Variants in CDADC1 observed in about 807,000 individuals in gnomAD.
CDADC1 encodes cytidine and dCMP deaminase domain containing 1.
CDADC1 carries 39 observed loss-of-function variants against 54.9 expected under a neutral mutation model. That is an observed-to-expected ratio of 0.71 (90% CI 0.55 to 0.93). CDADC1 has a LOEUF of 0.93. Among genes scored for constraint, CDADC1 ranks in the 40% least tolerant of loss-of-function variants. The pLI is 0.00. For synonymous variants in CDADC1, 186 were observed against 204.0 expected, an observed-to-expected ratio of 0.91 and a Z score of 0.75; for missense variants, 518 against 618.8, an observed-to-expected ratio of 0.84 and a Z score of 1.73.
Position 49,280,682 on chromosome 13 carries a change from GTGTTAGCAAA to G in CDADC1, c.1396_1405del (p.Val466LeufsTer5). 6.3e-7 allele frequency: 1 copy of G among 1,575,082 alleles called. No individual in the cohort carries two copies. ...TACATGAGGTTCGGGGAGCTTGAAGGTGTTAGCAAATTTACGGTAAGTAGATACACATTTT... is the reference window on the plus strand; with the variant it reads ...TACATGAGGTTCGGGGAGCTTGAAGGTTTACGGTAAGTAGATACACATTTT... On this transcript the variant is annotated frameshift_variant, in exon 8 of 10. Coordinates refer to ENST00000251108, the MANE Select transcript of CDADC1 (RefSeq NM_030911.4). LOFTEE classifies it high-confidence loss of function.
At chr13:49,290,860 CA>C (rs764990521) in intron 9 of CDADC1, among the ~76,000 whole-genome samples, 4 of 152,120 alleles carry the variant, frequency 2.6e-5, no homozygotes, top group Non-Finnish European at 5.9e-5. Flanking sequence ...AAAAATTCAT[CA>C]AGCTATACAC....
chr13:49,279,802 C>T (rs1953263736), intron 7 of CDADC1, among the ~76,000 whole-genome samples: 1 of 152,154 alleles, frequency 6.6e-6, no homozygotes, highest in African/African-American at 2.4e-5. Flanking sequence ...GAAGTCAGTC[C>T]TTGCAGCCCC....
intron 8 of CDADC1, among the ~76,000 whole-genome samples, chr13:49,285,836 T>C (rs755286231): frequency 6.6e-6 from 1 of 150,718 alleles, no homozygotes; most frequent in Non-Finnish European, 1.5e-5. Flanking sequence ...TTTTTCAAGA[T>C]GGAGGCTTGC....
intron 6 of CDADC1, 126 bp from the exon 7 acceptor site, chr13:49,278,224 C>A: frequency 1.5e-6 from 1 of 654,694 alleles, no homozygotes; most frequent in Non-Finnish European, 2.4e-6. Context: ...TTTTTGATAG[C>A]TCAGTTTACT....
At chr13:49,288,778 C>T (rs1339007215) in intron 9 of CDADC1, among the ~76,000 whole-genome samples, 1 of 152,008 alleles carries the variant, frequency 6.6e-6, no homozygotes, top group Non-Finnish European at 1.5e-5. Flanking sequence ...CTCAAGTGCC[C>T]TTCCACTCCA....
intron 8 of CDADC1, among the ~76,000 whole-genome samples, chr13:49,285,148 ATTTTC>A (rs1239885689): frequency 6.7e-6 from 1 of 149,482 alleles, no homozygotes; most frequent in Non-Finnish European, 1.5e-5. Flanking sequence ...TCTTGGTCAT[ATTTTC>A]TTTTTCTTTT....
intron 8 of CDADC1, among the ~76,000 whole-genome samples, chr13:49,283,560 G>A (rs1214354482): frequency 1.3e-5 from 2 of 152,136 alleles, no homozygotes; most frequent in African/African-American, 4.8e-5. Flanking sequence ...ATGAGTGATG[G>A]GTTATGGAGA....
In CDADC1 at chr13:49,286,300, GA is replaced by G. The variant is rs775143364; in HGVS notation, c.1471+19del. On this transcript the variant is annotated intron_variant, in intron 9 of 9. Coordinates refer to ENST00000251108, the MANE Select transcript of CDADC1 (RefSeq NM_030911.4). The stretch of plus-strand genomic sequence containing the variant: ...GAGAGAAAGTAAGTATTTATGTATT[GA>G]GGTGAACTTTGTTGCTGAGGAGAAA... 1.8e-5 allele frequency: 29 copies of G among 1,589,660 alleles called. 1 individual carries two copies. The highest frequency in any genetic ancestry group is 2.5e-5 in the Non-Finnish European group (29 of 1,157,926).
chr13:49,289,892 A>G (rs1953649227), intron 9 of CDADC1, among the ~76,000 whole-genome samples: 1 of 152,070 alleles, frequency 6.6e-6, no homozygotes, highest in African/African-American at 2.4e-5. Context: ...AAAAGATACA[A>G]AAAATTAGTT....
chr13:49,265,939 A>G (rs142130072), intron 4 of CDADC1: 27,521 of 1,302,372 alleles, frequency 0.021, 316 homozygotes, highest in Non-Finnish European at 0.024. Context: ...TGGTTAGGAA[A>G]TGGATTATGA....
chr13:49,290,408 A>G (rs1008344623), intron 9 of CDADC1, among the ~76,000 whole-genome samples: 1 of 151,988 alleles, frequency 6.6e-6, no homozygotes, highest in African/African-American at 2.4e-5. Flanking sequence ...ATTACATAAT[A>G]CATTATATAT....
intron 7 of CDADC1, 79 bp from the exon 8 acceptor site, chr13:49,280,430 T>C: frequency 1.6e-6 from 1 of 613,390 alleles, no homozygotes; most frequent in Non-Finnish European, 2.6e-6. Context: ...AGCTCAATTT[T>C]AGTGTTTAAA....
intron 9 of CDADC1, among the ~76,000 whole-genome samples, chr13:49,289,938 G>A (rs999363458): frequency 3.3e-5 from 5 of 152,022 alleles, no homozygotes; most frequent in Admixed American, 6.6e-5. Flanking sequence ...CCCAGCTACC[G>A]CAGAGGCTGA....
intron 4 of CDADC1, among the ~76,000 whole-genome samples, chr13:49,265,205 A>C (rs1477264017): frequency 6.6e-6 from 1 of 152,246 alleles, no homozygotes; most frequent in African/African-American, 2.4e-5. Context: ...CTATTTTTAT[A>C]ATTGTCAATT....
intron 8 of CDADC1, among the ~76,000 whole-genome samples, chr13:49,281,744 AC>A: frequency 6.6e-6 from 1 of 152,160 alleles, no homozygotes; most frequent in Non-Finnish European, 1.5e-5. Flanking sequence ...ACACACAAAC[AC>A]ACACATTTCT....
chr13:49,264,264 G>T (rs912953263), intron 4 of CDADC1, among the ~76,000 whole-genome samples: 4 of 152,182 alleles, frequency 2.6e-5, no homozygotes, highest in African/African-American at 9.7e-5. Context: ...TTCGGAGAAT[G>T]AAGATAGAAA....
At chr13:49,287,762 A>G (rs773709184) in intron 9 of CDADC1, among the ~76,000 whole-genome samples, 1 of 152,186 alleles carries the variant, frequency 6.6e-6, no homozygotes. Flanking sequence ...GCTTGAGCCC[A>G]GGAGTTTGAA....
rs1315785425 is a variant in CDADC1 at position 49,265,761 on chromosome 13, A to G, written c.431-1729A>G. On this transcript the variant is annotated intron_variant, in intron 4 of 9. Transcript: ENST00000251108. Reference sequence around the variant, plus strand: ...AAATAAAAGCTTTTTGGAGTCCTCAATAATTTTTAAGAGTGTTAAGGAATC... The same window carrying G: ...AAATAAAAGCTTTTTGGAGTCCTCAGTAATTTTTAAGAGTGTTAAGGAATC... 4.9e-6 allele frequency: 4 copies of G among 822,984 alleles called. No individual in the cohort carries two copies. The African/African-American group carries it at 5.4e-5, about 11-fold the overall frequency. The allele number at this position is 822,984 out of a possible 1,614,324, so 51.0% of individuals were successfully genotyped here. A position where few individuals can be genotyped will look rare whatever the true frequency, so the allele number is the denominator to read the frequency against.
Position 49,282,238 on chromosome 13 carries a change from T to G in CDADC1, c.1410+1540T>G, listed in dbSNP as rs1321969148. Among the ~76,000 whole-genome samples, 18 of 141,122 alleles carry G rather than the reference T, an allele frequency of 1.3e-4. 1 individual carries two copies. The highest frequency in any genetic ancestry group is 8.8e-4 in the South Asian group (4 of 4,550). 92.6% of individuals were successfully genotyped at this position (141,122 alleles called of 152,430 possible). A position where few individuals can be genotyped will look rare whatever the true frequency, so the allele number is the denominator to read the frequency against. On this transcript the variant is annotated intron_variant, in intron 8 of 9. Transcript: ENST00000251108. ...TATTTGGGTTCTGGTTTTTGTGGGT[T>G]TTTTTTTTTTTTTTTTTGCTTTTGT...
Sources: allele counts gnomAD v4.1 joint callset (sites outside exome capture counted in the v4.1 genomes callset), GRCh38; gene constraint gnomAD v4.1.1; transcripts MANE v1.5; gene names NCBI Gene and HGNC (gene_info 2026-07-23, HGNC 2026-07-21).